SORCS3: variants seen among roughly 807,000 people sequenced by gnomAD.
SORCS3 encodes sortilin related VPS10 domain containing receptor 3, also known as VPS10 domain-containing receptor SorCS3.
SORCS3 carries 57 observed loss-of-function variants against 146.3 expected under a neutral mutation model. The ratio of observed to expected loss-of-function variants is 0.39; its 90% CI spans 0.31 to 0.49. The LOEUF is 0.49. Ranked by LOEUF, SORCS3 falls within the 20% of genes least tolerant of loss-of-function variation. SORCS3 has a pLI of 0.92. For synonymous variants in SORCS3, 653 were observed against 618.5 expected (o/e 1.06, Z -0.83); for missense variants, 1,341 against 1,575.5 (o/e 0.85, Z 2.52).
intron 2 of SORCS3, among the ~76,000 whole-genome samples, chr10:104,871,330 A>C (rs1192712886): frequency 6.6e-6 from 1 of 152,198 alleles, no homozygotes; most frequent in Non-Finnish European, 1.5e-5. Context: ...AGCTTTCCAG[A>C]AAAGTGGAAA....
intron 1 of SORCS3, among the ~76,000 whole-genome samples, chr10:104,718,763 A>T (rs1004307480): frequency 8.5e-5 from 13 of 152,242 alleles, no homozygotes; most frequent in African/African-American, 3.1e-4. Flanking sequence ...GTGATGAACA[A>T]AGTAGGCCCG....
At chr10:104,777,922 T>A (rs1442193158) in intron 1 of SORCS3, among the ~76,000 whole-genome samples, 1 of 152,050 alleles carries the variant, frequency 6.6e-6, no homozygotes, top group African/African-American at 2.4e-5. Context: ...TGAGATTATA[T>A]CTCATAGAGG....
intron 3 of SORCS3, among the ~76,000 whole-genome samples, chr10:104,948,261 A>G: frequency 6.6e-6 from 1 of 152,160 alleles, no homozygotes; most frequent in East Asian, 1.9e-4. Context: ...CCACGGGGTT[A>G]TGCTGTGCCA....
At chr10:104,987,369 C>A (rs2054968404) in intron 4 of SORCS3, among the ~76,000 whole-genome samples, 1 of 152,036 alleles carries the variant, frequency 6.6e-6, no homozygotes, top group South Asian at 2.1e-4. Context: ...TATTTCATTA[C>A]ATTGCTTTCA....
chr10:104,695,796 A>C (rs1490467170), intron 1 of SORCS3, among the ~76,000 whole-genome samples: 2 of 151,496 alleles, frequency 1.3e-5, no homozygotes, highest in African/African-American at 2.4e-5. Context: ...ATCCTTTTTA[A>C]TATTTGTGCA....
At chr10:104,886,002 T>C (rs1426567681) in intron 2 of SORCS3, among the ~76,000 whole-genome samples, 1 of 152,170 alleles carries the variant, frequency 6.6e-6, no homozygotes, top group Non-Finnish European at 1.5e-5. Flanking sequence ...AGGTAAAAGA[T>C]AACCCATTTA....
rs1180944552 is a variant in SORCS3, at chr10:105,003,253, A to G, written c.954+25760A>G. 2.0e-5 allele frequency among the ~76,000 whole-genome samples: 3 copies of G among 152,314 alleles called. No homozygotes were observed. The East Asian group carries it at 5.8e-4, about 29-fold the overall frequency. ...ATAATATTATTCTGGCCTTCAAGGA[A>G]TTTAGAGAAACTCTACTTTTTATTC... On this transcript the variant is annotated intron_variant, in intron 4 of 26. Coordinates refer to ENST00000369701, the MANE Select transcript of SORCS3 (RefSeq NM_014978.3).
intron 23 of SORCS3, among the ~76,000 whole-genome samples, chr10:105,255,103 G>A (rs537929315): frequency 2.0e-5 from 3 of 151,020 alleles, no homozygotes; most frequent in Non-Finnish European, 2.9e-5. Flanking sequence ...CAGGAGAATG[G>A]CGTGAACCCG....
At chr10:104,691,825 C>A (rs2016116692) in intron 1 of SORCS3, among the ~76,000 whole-genome samples, 1 of 152,162 alleles carries the variant, frequency 6.6e-6, no homozygotes, top group African/African-American at 2.4e-5. Context: ...ACCATAACTT[C>A]AAACTCCTGG....
intron 17 of SORCS3, among the ~76,000 whole-genome samples, chr10:105,212,510 A>G (rs532914441): frequency 6.6e-6 from 1 of 152,360 alleles, no homozygotes; most frequent in Admixed American, 6.5e-5. Context: ...ATTATAAAAG[A>G]ATTGAATTAA....
At chr10:104,684,093 T>C (rs1031622983) in intron 1 of SORCS3, among the ~76,000 whole-genome samples, 1 of 152,130 alleles carries the variant, frequency 6.6e-6, no homozygotes, top group African/African-American at 2.4e-5. Flanking sequence ...ATCAAGGTGG[T>C]AATTCTGCTG....
chr10:105,245,421 CGTTTGTTT>C lies in SORCS3; in HGVS notation c.2869-108_2869-101del, dbSNP rs143474037. 4.3e-6 allele frequency: 5 copies of C among 1,173,296 alleles called. No homozygotes were observed. In the Admixed American group the frequency reaches 6.1e-5, roughly 14 times the overall value. The allele number at this position is 1,173,296 out of a possible 1,614,324, so 72.7% of individuals were successfully genotyped here. A position where few individuals can be genotyped will look rare whatever the true frequency, so the allele number is the denominator to read the frequency against. On this transcript the variant is annotated intron_variant, in intron 20 of 26. Transcript: ENST00000369701. Reference sequence around the variant, plus strand: ...ATCACAGTTTTAAGAAACGGTATAACGTTTGTTTGTTTGTTTGTTTTTCTTTTCCAAGT... The same window carrying C: ...ATCACAGTTTTAAGAAACGGTATAACGTTTGTTTGTTTTTCTTTTCCAAGT...
At chr10:105,217,458 T>G in intron 19 of SORCS3, among the ~76,000 whole-genome samples, 1 of 152,294 alleles carries the variant, frequency 6.6e-6, no homozygotes, top group East Asian at 1.9e-4. Flanking sequence ...GAAACAAGCC[T>G]TCTGGTTGAT....
At chr10:104,708,059 T>C (rs1424725794) in intron 1 of SORCS3, among the ~76,000 whole-genome samples, 1 of 152,232 alleles carries the variant, frequency 6.6e-6, no homozygotes, top group Non-Finnish European at 1.5e-5. Context: ...TTTCTGTAAC[T>C]GTGGAAACCC....
rs143010747 is a variant in SORCS3, at chr10:105,032,501, T to C, written c.955-10554T>C. Reference sequence around the variant, plus strand: ...AAGTACAAGTTTTCTTCCTATAATATTTTGAATTTGAATGAACTCAGATTT... The same window carrying C: ...AAGTACAAGTTTTCTTCCTATAATACTTTGAATTTGAATGAACTCAGATTT... On this transcript the variant is annotated intron_variant, in intron 4 of 26. Transcript: ENST00000369701. Among the ~76,000 whole-genome samples the C allele has an allele frequency of 9.8e-5, 15 of 152,306 alleles. No individual in the cohort carries two copies. In the East Asian group the frequency reaches 2.9e-3, roughly 29 times the overall value.
intron 9 of SORCS3, among the ~76,000 whole-genome samples, chr10:105,154,274 C>T (rs1299729591): frequency 6.6e-6 from 1 of 152,138 alleles, no homozygotes; most frequent in Non-Finnish European, 1.5e-5. Context: ...AACCAACCTT[C>T]CTCAGCCCCT....
chr10:104,998,546 G>A (rs893532956), intron 4 of SORCS3, among the ~76,000 whole-genome samples: 1 of 152,138 alleles, frequency 6.6e-6, no homozygotes, highest in African/African-American at 2.4e-5. Context: ...CTTCAGGGCA[G>A]TTATTTTTTT....
At chr10:104,832,611 A>C (rs200649346) in intron 1 of SORCS3, among the ~76,000 whole-genome samples, 6 of 152,170 alleles carry the variant, frequency 3.9e-5, no homozygotes, top group African/African-American at 1.2e-4. Flanking sequence ...CCAGCTACTC[A>C]GGAGGCTGAG....
chr10:104,693,306 G>T (rs759468677), intron 1 of SORCS3, among the ~76,000 whole-genome samples: 43 of 152,182 alleles, frequency 2.8e-4, no homozygotes, highest in Non-Finnish European at 4.9e-4. Context: ...TTACACACAG[G>T]TGATGAGGGT....
Sources: allele counts gnomAD v4.1 joint callset (sites outside exome capture counted in the v4.1 genomes callset), GRCh38; gene constraint gnomAD v4.1.1; transcripts MANE v1.5; gene names NCBI Gene and HGNC (gene_info 2026-07-23, HGNC 2026-07-21).